The following ITGA9 variants were observed in gnomAD, a reference collection of about 807,000 sequenced individuals.
ITGA9 encodes the protein integrin subunit alpha 9.
In ITGA9, 56 loss-of-function variants were observed where a neutral mutation model predicts 127.8. The ratio of observed to expected loss-of-function variants is 0.44; its 90% CI spans 0.35 to 0.55. The LOEUF is 0.55. Ranked by LOEUF, ITGA9 falls within the 20% of genes least tolerant of loss-of-function variation. The pLI is 0.00. For missense variants in ITGA9, 1,196 were observed against 1,347.1 expected (o/e 0.89, Z 1.76); for synonymous variants, 508 against 514.5 (o/e 0.99, Z 0.17).
intron 15 of ITGA9, among the ~76,000 whole-genome samples, chr3:37,595,505 G>A (rs758587072): frequency 3.9e-5 from 6 of 152,250 alleles, no homozygotes; most frequent in East Asian, 1.9e-4. Context: ...AGAAAATGCC[G>A]GAACAGCATA....
chr3:37,470,981 CAG>C, intron 1 of ITGA9, 24 bp from the exon 2 acceptor site: 1 of 1,613,776 alleles, frequency 6.2e-7, no homozygotes, highest in Non-Finnish European at 8.5e-7. Flanking sequence ...TAGGTTGTGA[CAG>C]AATGCCTTTT....
At chr3:37,586,957 A>G (rs1045339534) in intron 15 of ITGA9, among the ~76,000 whole-genome samples, 4 of 152,244 alleles carry the variant, frequency 2.6e-5, no homozygotes, top group African/African-American at 9.6e-5. Flanking sequence ...AATGAATAAT[A>G]TAAGCCCAAG....
intron 25 of ITGA9, among the ~76,000 whole-genome samples, chr3:37,781,251 AGGTTG>A (rs1696973122): frequency 6.6e-6 from 1 of 152,212 alleles, no homozygotes; most frequent in Non-Finnish European, 1.5e-5. Flanking sequence ...CTTTGGATGA[AGGTTG>A]GCTAACCTTT....
At chr3:37,476,112 G>A (rs1257047591) in intron 3 of ITGA9, among the ~76,000 whole-genome samples, 2 of 152,186 alleles carry the variant, frequency 1.3e-5, no homozygotes, top group African/African-American at 4.8e-5. Context: ...ATTTAGGTTG[G>A]TTCTATCTCC....
At chr3:37,548,088 C>T (rs1258688294) in intron 15 of ITGA9, among the ~76,000 whole-genome samples, 3 of 152,050 alleles carry the variant, frequency 2.0e-5, no homozygotes, top group Non-Finnish European at 4.4e-5. Flanking sequence ...CGCACAAAAT[C>T]TAGCTGTACC....
intron 18 of ITGA9, among the ~76,000 whole-genome samples, chr3:37,698,940 C>T (rs746419397): frequency 7.2e-5 from 11 of 152,200 alleles, no homozygotes; most frequent in Non-Finnish European, 1.5e-4. Flanking sequence ...TTTTCACGTG[C>T]CCCTCAGCCA....
intron 17 of ITGA9, among the ~76,000 whole-genome samples, chr3:37,680,326 T>C (rs1575190146): frequency 6.6e-6 from 1 of 152,338 alleles, no homozygotes; most frequent in Non-Finnish European, 1.5e-5. Flanking sequence ...TCAAAGACTT[T>C]TTTAGCTTTG....
intron 16 of ITGA9, among the ~76,000 whole-genome samples, chr3:37,634,797 A>G (rs1278891408): frequency 6.6e-6 from 1 of 152,220 alleles, no homozygotes. Context: ...GACAGAATAC[A>G]CATTCTTCTC....
intron 3 of ITGA9, among the ~76,000 whole-genome samples, chr3:37,474,861 C>T (rs1195881798): frequency 6.6e-6 from 1 of 152,222 alleles, no homozygotes; most frequent in East Asian, 1.9e-4. Flanking sequence ...TTTTTGTCCC[C>T]TCTCTAAGGA....
chr3:37,717,458 G>C (rs962236125), intron 18 of ITGA9, among the ~76,000 whole-genome samples: 33 of 152,208 alleles, frequency 2.2e-4, no homozygotes, highest in African/African-American at 7.5e-4. Flanking sequence ...TGAAGAAAGA[G>C]GTTTAACTGA....
chr3:37,517,622 T>C lies in ITGA9; in HGVS notation c.1141+13T>C, dbSNP rs1310821822. ...GATGGGTTCCCAGGTGAGTGAGTGC[T>C]CCTGGTGCACGGAGCCCCTCCAGGT... On this transcript the variant is annotated intron_variant, in intron 10 of 27. Coordinates refer to ENST00000264741, the MANE Select transcript of ITGA9 (RefSeq NM_002207.3). 1 of 1,537,634 alleles carries C rather than the reference T, an allele frequency of 6.5e-7. No homozygotes were observed. The highest frequency in any genetic ancestry group is 8.9e-7 in the Non-Finnish European group (1 of 1,129,080).
chr3:37,461,799 A>G (rs1033273696), intron 1 of ITGA9, among the ~76,000 whole-genome samples: 6 of 152,084 alleles, frequency 3.9e-5, no homozygotes, highest in Non-Finnish European at 8.8e-5. Flanking sequence ...GATCTTTGGG[A>G]TTGTAAATCC....
intron 8 of ITGA9, among the ~76,000 whole-genome samples, chr3:37,512,003 CTTTTCTTTTCTTTTCTT>C (rs1698913509): frequency 2.8e-5 from 1 of 36,214 alleles, no homozygotes; most frequent in Admixed American, 3.4e-4. Flanking sequence ...CTTTTCTTTT[CTTTTCTTTTCTTTTCTT>C]TTCTTTTCTT....
intron 17 of ITGA9, among the ~76,000 whole-genome samples, chr3:37,659,251 G>A (rs1198901633): frequency 6.6e-6 from 1 of 152,082 alleles, no homozygotes; most frequent in Non-Finnish European, 1.5e-5. Context: ...AAGTTCTCCT[G>A]GATAATATCC....
At chr3:37,454,304 A>G (rs943368782) in intron 1 of ITGA9, among the ~76,000 whole-genome samples, 1 of 152,230 alleles carries the variant, frequency 6.6e-6, no homozygotes, top group East Asian at 1.9e-4. Flanking sequence ...TGGGAAAGGA[A>G]TGGGTAGAGA....
At chr3:37,677,526 A>G (rs926206877) in intron 17 of ITGA9, among the ~76,000 whole-genome samples, 36 of 152,256 alleles carry the variant, frequency 2.4e-4, no homozygotes, top group African/African-American at 8.2e-4. Context: ...ATTCTAAAAT[A>G]TTCTAAATGC....
chr3:37,781,410 T>A (rs1445145642), intron 25 of ITGA9, among the ~76,000 whole-genome samples: 1 of 152,200 alleles, frequency 6.6e-6, no homozygotes, highest in Non-Finnish European at 1.5e-5. Context: ...TAAAACTTTA[T>A]AAAAACAGGC....
intron 1 of ITGA9, among the ~76,000 whole-genome samples, chr3:37,466,483 CA>C (rs60980366): frequency 6.3e-3 from 164 of 26,018 alleles, no homozygotes; most frequent in East Asian, 0.061. Flanking sequence ...GACACCATCT[CA>C]AAAAAAAAAA....
intron 23 of ITGA9, among the ~76,000 whole-genome samples, chr3:37,754,437 C>G (rs1269388311): frequency 1.3e-5 from 2 of 152,156 alleles, no homozygotes; most frequent in Non-Finnish European, 2.9e-5. Context: ...GGTGAAAGTA[C>G]TGGATTTTTG....
Sources: gnomAD v4.1 joint callset for allele counts (sites outside exome capture counted in the v4.1 genomes callset) on GRCh38, gnomAD v4.1.1 for gene constraint, MANE v1.5 for transcripts, NCBI Gene and HGNC (gene_info 2026-07-23, HGNC 2026-07-21) for gene names.